The following SCML4 variants were observed in gnomAD, a reference collection of about 807,000 sequenced individuals.
SCML4 encodes the protein Scm polycomb group protein like 4, also known as sex comb on midleg-like protein 4.
Under a neutral mutation model 41.1 loss-of-function variants are expected in SCML4, and 34 were observed. That is an observed-to-expected ratio of 0.83 (90% CI 0.63 to 1.10). The LOEUF is 1.10. Among genes scored for constraint, SCML4 ranks in the 50% least tolerant of loss-of-function variants. The pLI is 0.00. For missense variants in SCML4, 522 were observed against 534.1 expected (o/e 0.98, Z 0.22); for synonymous variants, 214 against 220.9 (o/e 0.97, Z 0.28).
intron 5 of SCML4, among the ~76,000 whole-genome samples, chr6:107,730,982 GGGTTA>G (rs1295087460): frequency 6.6e-6 from 1 of 152,184 alleles, no homozygotes; most frequent in African/African-American, 2.4e-5. Context: ...GGTGGAGATA[GGGTTA>G]GGTAATGCCC....
intron 5 of SCML4, among the ~76,000 whole-genome samples, chr6:107,734,881 T>A (rs1019680023): frequency 6.6e-6 from 1 of 152,180 alleles, no homozygotes; most frequent in Non-Finnish European, 1.5e-5. Flanking sequence ...TTGTTGTTAT[T>A]GTTGTGGTTT....
intron 1 of SCML4, among the ~76,000 whole-genome samples, chr6:107,774,381 G>A (rs1430986422): frequency 6.6e-6 from 1 of 152,128 alleles, no homozygotes; most frequent in Admixed American, 6.5e-5. Flanking sequence ...CAGTTAGGAT[G>A]AGGGACTATA....
intron 6 of SCML4, among the ~76,000 whole-genome samples, chr6:107,717,143 C>CAAAAAAAAAAAA (rs546258538): frequency 6.3e-5 from 4 of 63,536 alleles, no homozygotes; most frequent in African/African-American, 1.6e-4. Flanking sequence ...ACTAAAAATA[C>CAAAAAAAAAAAA]AAAAAAAAAA....
intron 1 of SCML4, among the ~76,000 whole-genome samples, chr6:107,798,623 CT>C (rs1402324283): frequency 6.6e-6 from 1 of 151,630 alleles, no homozygotes; most frequent in Non-Finnish European, 1.5e-5. Flanking sequence ...TGATTGCTTC[CT>C]TTTTTTTACT....
At chr6:107,832,445 C>G in the SCML4 span, among the ~76,000 whole-genome samples, 1 of 152,134 alleles carries the variant, frequency 6.6e-6, no homozygotes, top group Non-Finnish European at 1.5e-5. Flanking sequence ...GGGAGAGCCT[C>G]TCCAGGTAAC....
intron 5 of SCML4, among the ~76,000 whole-genome samples, chr6:107,721,769 C>A (rs1287860862): frequency 6.6e-6 from 1 of 152,118 alleles, no homozygotes; most frequent in Admixed American, 6.5e-5. Flanking sequence ...TCTCCCCACA[C>A]CTTTAGTCCT....
intron 6 of SCML4, among the ~76,000 whole-genome samples, chr6:107,709,384 G>A (rs879732034): frequency 6.6e-6 from 1 of 152,192 alleles, no homozygotes; most frequent in East Asian, 1.9e-4. Flanking sequence ...TACCTGGAGG[G>A]GCAGGTGTAA....
upstream of SCML4, among the ~76,000 whole-genome samples, chr6:107,828,561 A>G (rs757945094): frequency 4.6e-5 from 7 of 152,196 alleles, no homozygotes; most frequent in Non-Finnish European, 1.0e-4. Flanking sequence ...GAGCAAAGGT[A>G]GGGAGGAGAG....
intron 6 of SCML4, among the ~76,000 whole-genome samples, chr6:107,717,482 G>A (rs1413098495): frequency 6.6e-6 from 1 of 152,110 alleles, no homozygotes; most frequent in Non-Finnish European, 1.5e-5. Flanking sequence ...TCCCGTGGTG[G>A]GGGTCCTGCT....
intron 1 of SCML4, among the ~76,000 whole-genome samples, chr6:107,785,098 T>C (rs1781787112): frequency 6.6e-6 from 1 of 152,242 alleles, no homozygotes; most frequent in African/African-American, 2.4e-5. Context: ...TAAACAAAGC[T>C]GACAGACACG....
chr6:107,839,393 G>GAAAGAAAGAAAGAAAGAAAGAAAGAAAC, the SCML4 span, among the ~76,000 whole-genome samples: 7 of 134,384 alleles, frequency 5.2e-5, no homozygotes, highest in African/African-American at 2.0e-4. Flanking sequence ...AAGAAAGAAA[G>GAAAGAAAGAAAGAAAGAAAGAAAGAAAC]AAAGAAAGAA....
At chr6:107,769,272 T>G (rs7775791) in intron 2 of SCML4, among the ~76,000 whole-genome samples, 86,850 of 152,126 alleles carry the variant, frequency 0.57, 25,377 homozygotes, top group East Asian at 0.83. Context: ...AAGAGGGAGA[T>G]GGCCAGATGG....
intron 2 of SCML4, among the ~76,000 whole-genome samples, chr6:107,752,112 A>C (rs1359483233): frequency 1.3e-5 from 2 of 152,176 alleles, no homozygotes; most frequent in African/African-American, 4.8e-5. Context: ...AAAATTTACC[A>C]ACACATTGAA....
chr6:107,758,481 G>A (rs775209895), intron 2 of SCML4, among the ~76,000 whole-genome samples: 8 of 152,230 alleles, frequency 5.3e-5, no homozygotes, highest in Non-Finnish European at 7.3e-5. Flanking sequence ...ATAGGTTCAA[G>A]TTCTAATCCC....
intron 2 of SCML4, among the ~76,000 whole-genome samples, chr6:107,754,133 G>A (rs1778915788): frequency 6.6e-6 from 1 of 152,210 alleles, no homozygotes; most frequent in Non-Finnish European, 1.5e-5. Flanking sequence ...TCAACAGCAA[G>A]CACATTGGCT....
At chr6:107,711,657 A>C (rs1293724901) in intron 6 of SCML4, among the ~76,000 whole-genome samples, 1 of 152,180 alleles carries the variant, frequency 6.6e-6, no homozygotes, top group Non-Finnish European at 1.5e-5. Flanking sequence ...CTCTGCAGAC[A>C]CAGTCTCGGT....
intron 1 of SCML4, among the ~76,000 whole-genome samples, chr6:107,802,765 C>G (rs1267684217): frequency 1.3e-5 from 2 of 149,196 alleles, no homozygotes; most frequent in Non-Finnish European, 3.0e-5. Flanking sequence ...CCCTCTCCCT[C>G]TCTTTCCACG....
chr6:107,803,203 CA>C (rs1783375891), intron 1 of SCML4, among the ~76,000 whole-genome samples: 1 of 77,274 alleles, frequency 1.3e-5, no homozygotes, highest in Non-Finnish European at 2.8e-5. Context: ...CCTGGCCGCC[CA>C]TCGTCTGAGA....
intron 2 of SCML4, among the ~76,000 whole-genome samples, chr6:107,770,578 A>G (rs971226641): frequency 6.6e-6 from 1 of 152,204 alleles, no homozygotes; most frequent in African/African-American, 2.4e-5. Context: ...GGAAATGGGA[A>G]AAGACTGCCT....
Sources: allele counts gnomAD v4.1 joint callset (sites outside exome capture counted in the v4.1 genomes callset), GRCh38; gene constraint gnomAD v4.1.1; transcripts MANE v1.5; gene names NCBI Gene and HGNC (gene_info 2026-07-23, HGNC 2026-07-21).